The following EPN2 variants were observed in gnomAD, a reference collection of about 807,000 sequenced individuals.
The protein encoded by EPN2 is epsin-2.
In EPN2, 34 loss-of-function variants were observed where a neutral mutation model predicts 61.7. The observed-to-expected ratio is 0.55, with a 90% CI of 0.42 to 0.73. The LOEUF is 0.73. Among genes scored for constraint, EPN2 ranks in the 30% least tolerant of loss-of-function variants. The pLI is 0.00. For synonymous variants in EPN2, 349 were observed against 353.6 expected (o/e 0.99, Z 0.15); for missense variants, 714 against 839.2 (o/e 0.85, Z 1.84).
At chr17:19,294,473 G>A (rs944882350) in intron 4 of EPN2, among the ~76,000 whole-genome samples, 3 of 152,186 alleles carry the variant, frequency 2.0e-5, no homozygotes, top group South Asian at 2.1e-4. Context: ...TGACATTGGC[G>A]TGTGCCATAG....
intron 8 of EPN2, 88 bp downstream of exon 8, chr17:19,328,975 G>C: frequency 1.6e-6 from 2 of 1,274,808 alleles, no homozygotes; most frequent in East Asian, 2.4e-5. Context: ...CATCAGCCCT[G>C]TTGCTTTGCT....
intron 4 of EPN2, among the ~76,000 whole-genome samples, chr17:19,299,782 G>A (rs1905388328): frequency 6.6e-6 from 1 of 152,116 alleles, no homozygotes; most frequent in Non-Finnish European, 1.5e-5. Context: ...CCTGCATTGG[G>A]GCCATAACGT....
At chr17:19,262,102 G>A (rs571201584) in intron 1 of EPN2, among the ~76,000 whole-genome samples, 103 of 152,236 alleles carry the variant, frequency 6.8e-4, no homozygotes, top group African/African-American at 2.5e-3. Context: ...CAGGAGAATT[G>A]CTTGAACCCA....
chr17:19,294,872 T>C (rs1320705189), intron 4 of EPN2, among the ~76,000 whole-genome samples: 3 of 152,134 alleles, frequency 2.0e-5, no homozygotes, highest in Admixed American at 2.0e-4. Context: ...TTGGCTAGCA[T>C]AGTCACAGCT....
chr17:19,281,136 C>G (rs905233085), intron 1 of EPN2, among the ~76,000 whole-genome samples: 1 of 152,152 alleles, frequency 6.6e-6, no homozygotes, highest in Admixed American at 6.5e-5. Context: ...TGAGCCTGTC[C>G]TTATGTCTTT....
chr17:19,275,083 C>A (rs59987016), intron 1 of EPN2, among the ~76,000 whole-genome samples: 6,094 of 152,230 alleles, frequency 0.04, 523 homozygotes, highest in East Asian at 0.27. Context: ...GGGTTGCCTC[C>A]TTCACAGGGA....
intron 4 of EPN2, among the ~76,000 whole-genome samples, chr17:19,306,962 T>G (rs1695719539): frequency 6.6e-6 from 1 of 152,150 alleles, no homozygotes; most frequent in South Asian, 2.1e-4. Flanking sequence ...GAGTGGTTAA[T>G]GATTTGGGTG....
intron 1 of EPN2, among the ~76,000 whole-genome samples, chr17:19,274,897 T>C (rs2045291263): frequency 6.6e-6 from 1 of 152,168 alleles, no homozygotes; most frequent in South Asian, 2.1e-4. Context: ...CTGTTTGCTG[T>C]TTTGTTTAGT....
intron 4 of EPN2, chr17:19,308,580 G>T (rs1053441548): frequency 4.1e-6 from 4 of 985,330 alleles, no homozygotes; most frequent in Non-Finnish European, 3.6e-6. Flanking sequence ...GACCAGGTCC[G>T]GGAAGCCGAG....
chr17:19,318,365 A>G (rs1019858670), intron 7 of EPN2, among the ~76,000 whole-genome samples: 7 of 151,952 alleles, frequency 4.6e-5, no homozygotes, highest in Admixed American at 4.6e-4. Flanking sequence ...CTTGGCCAAC[A>G]TGGTGAAACC....
chr17:19,334,398 T>C lies in EPN2; in HGVS notation c.*144T>C, dbSNP rs61604929. On this transcript the variant is annotated 3_prime_UTR_variant, in exon 11 of 11. Coordinates refer to ENST00000314728, the MANE Select transcript of EPN2 (RefSeq NM_014964.5). The surrounding 1 kb of genome is among the most constrained non-coding windows in gnomAD (Gnocchi z 4.9). ...AGCTTCCTGATGAAAGGGCTGTCTT[T>C]ACAGCCCCAACCCTCAGACCCTCGC... 3.0e-4 allele frequency: 188 copies of C among 616,670 alleles called. 2 individuals are homozygous for C. Among genetic ancestry groups the C allele is most frequent in the African/African-American group, 3.0e-3 (161 of 52,854 alleles). 38.2% of individuals were successfully genotyped at this position (616,670 alleles called of 1,614,324 possible).
At chr17:19,255,991 G>C (rs1312915103) in intron 1 of EPN2, among the ~76,000 whole-genome samples, 2 of 151,870 alleles carry the variant, frequency 1.3e-5, no homozygotes, top group African/African-American at 2.4e-5. Context: ...AGGCTGGAGT[G>C]CAGGGGCGCG....
At chr17:19,260,176 G>A (rs1053462225) in intron 1 of EPN2, among the ~76,000 whole-genome samples, 10 of 152,208 alleles carry the variant, frequency 6.6e-5, no homozygotes, top group African/African-American at 2.2e-4. Flanking sequence ...ACAAGTGGAT[G>A]CCAGGAGCTC....
At chr17:19,301,341 G>A (rs1172167962) in intron 4 of EPN2, among the ~76,000 whole-genome samples, 1 of 152,178 alleles carries the variant, frequency 6.6e-6, no homozygotes, top group Non-Finnish European at 1.5e-5. Flanking sequence ...ATAAGGTCAT[G>A]TTCTTCATCC....
intron 1 of EPN2, among the ~76,000 whole-genome samples, chr17:19,273,534 A>C (rs1597986104): frequency 6.6e-6 from 1 of 152,094 alleles, no homozygotes; most frequent in South Asian, 2.1e-4. Flanking sequence ...TAAAAAAAAA[A>C]CTATTCATTT....
chr17:19,321,757 G>C (rs1906648019), intron 7 of EPN2, among the ~76,000 whole-genome samples: 1 of 152,162 alleles, frequency 6.6e-6, no homozygotes, highest in Non-Finnish European at 1.5e-5. Context: ...AGTGAGGAAG[G>C]CATGTTGACT....
chr17:19,277,749 G>A (rs569286850), intron 1 of EPN2, among the ~76,000 whole-genome samples: 2 of 152,280 alleles, frequency 1.3e-5, no homozygotes, highest in South Asian at 2.1e-4. Flanking sequence ...TCTCGCTTAG[G>A]TGAGGTGCGT....
At chr17:19,254,398 A>G (rs1166373107) in intron 1 of EPN2, among the ~76,000 whole-genome samples, 2 of 151,600 alleles carry the variant, frequency 1.3e-5, no homozygotes, top group East Asian at 3.9e-4. Flanking sequence ...AAAATTAGCC[A>G]GGCGTGGTGA....
At chr17:19,328,914 T>C (rs1282502576) in intron 8 of EPN2, 27 bp downstream of exon 8, 1 of 1,590,028 alleles carries the variant, frequency 6.3e-7, no homozygotes, top group Non-Finnish European at 8.6e-7. Context: ...CCCACTTTCC[T>C]GCCTGGCCTC....
Sources: gnomAD v4.1 joint callset for allele counts (sites outside exome capture counted in the v4.1 genomes callset) on GRCh38, gnomAD v4.1.1 for gene constraint, Gnocchi (gnomAD v3.1) non-coding constraint, MANE v1.5 for transcripts, NCBI Gene and HGNC (gene_info 2026-07-23, HGNC 2026-07-21) for gene names.